Variants in MUSK observed in about 807,000 individuals in gnomAD.
MUSK encodes muscle, skeletal receptor tyrosine-protein kinase.
A neutral mutation model predicts 88.7 loss-of-function variants in MUSK; 55 were observed. The ratio of observed to expected loss-of-function variants is 0.62; its 90% CI spans 0.50 to 0.78. MUSK has a LOEUF of 0.78. Ranked by LOEUF, MUSK falls within the 30% of genes least tolerant of loss-of-function variation. MUSK has a pLI of 0.00. For synonymous variants in MUSK, 387 were observed against 391.9 expected (o/e 0.99, Z 0.15); for missense variants, 1,015 against 1,074.3 (o/e 0.94, Z 0.77).
At position 110,802,852 on chromosome 9, in the gene MUSK, T is replaced by G. The variant is rs1366320229; in HGVS notation, c.*1864T>G. ...GTTCATAAATAGCGAGGTCAGCATTTAGGACTGAGACCTAAAGAAGTGCTT... is the reference window on the plus strand; with the variant it reads ...GTTCATAAATAGCGAGGTCAGCATTGAGGACTGAGACCTAAAGAAGTGCTT... On this transcript the variant is annotated 3_prime_UTR_variant, in exon 15 of 15. Coordinates refer to ENST00000374448, the MANE Select transcript of MUSK (RefSeq NM_005592.4). Among the ~76,000 whole-genome samples the G allele has an allele frequency of 1.3e-5, 2 of 152,188 alleles. No homozygotes were observed. Among genetic ancestry groups the G allele is most frequent in the Non-Finnish European group, 2.9e-5 (2 of 68,026 alleles).
chr9:110,685,056 G>A (rs2076178629), intron 2 of MUSK, among the ~76,000 whole-genome samples: 1 of 152,056 alleles, frequency 6.6e-6, no homozygotes, highest in African/African-American at 2.4e-5. Context: ...CTAGAGGAAA[G>A]GCTTTCAGTT....
At chr9:110,742,662 T>C (rs2131862237) in intron 6 of MUSK, among the ~76,000 whole-genome samples, 1 of 152,318 alleles carries the variant, frequency 6.6e-6, no homozygotes, top group East Asian at 1.9e-4. Context: ...TTTAAGATAG[T>C]TGAGGCCTTA....
intron 5 of MUSK, among the ~76,000 whole-genome samples, chr9:110,701,705 T>C (rs986572108): frequency 0.05 from 1 of 20 alleles, no homozygotes; most frequent in Admixed American, 0.5. Flanking sequence ...TTTTATTTTA[T>C]TTTATTTTAT....
intron 13 of MUSK, among the ~76,000 whole-genome samples, chr9:110,786,926 T>C (rs991107597): frequency 2.0e-5 from 3 of 152,096 alleles, no homozygotes; most frequent in African/African-American, 7.2e-5. Flanking sequence ...GGCGTAGAGG[T>C]TACATGAATA....
intron 1 of MUSK, among the ~76,000 whole-genome samples, chr9:110,671,985 T>C (rs2075963360): frequency 6.6e-6 from 1 of 152,214 alleles, no homozygotes; most frequent in Non-Finnish European, 1.5e-5. Flanking sequence ...TTTTAAATTG[T>C]ATGTATATAA....
chr9:110,680,296 C>G (rs1298424950), intron 1 of MUSK, among the ~76,000 whole-genome samples: 3 of 151,848 alleles, frequency 2.0e-5, no homozygotes, highest in Admixed American at 6.6e-5. Context: ...TAAACTTTTT[C>G]TTTCTGGTAG....
chr9:110,800,883 G>A lies in MUSK; in HGVS notation c.2505G>A (p.Met835Ile). The part of the protein sequence containing the change: ...ENCPVELYNL[M>I]RLCWSKLPAD... ...GCCCCGTGGAGCTGTACAATCTCAT[G>A]CGTCTATGTTGGAGCAAGCTGCCTG... Residue 835 changes from methionine (M) to isoleucine (I), a missense_variant, in exon 15 of 15, where the codon ATG (methionine) becomes ATA (isoleucine). Coordinates refer to ENST00000374448, the MANE Select transcript of MUSK (RefSeq NM_005592.4). The A allele has an allele frequency of 1.3e-6, 2 of 1,578,664 alleles. No individual in the cohort carries two copies. Among genetic ancestry groups the A allele is most frequent in the Non-Finnish European group, 1.7e-6 (2 of 1,161,372 alleles).
chr9:110,747,959 T>G, intron 7 of MUSK, 159 bp downstream of exon 7: 1 of 1,026,230 alleles, frequency 9.7e-7, no homozygotes, highest in Non-Finnish European at 1.5e-6. Flanking sequence ...GGAGGTGACC[T>G]AGATATGGAT....
At chr9:110,746,253 T>C (rs960841116) in intron 6 of MUSK, among the ~76,000 whole-genome samples, 1 of 152,152 alleles carries the variant, frequency 6.6e-6, no homozygotes, top group Admixed American at 6.5e-5. Context: ...AATTAAAGAT[T>C]AGTTATTGAA....
chr9:110,706,013 G>C (rs1397736534), intron 5 of MUSK: 1 of 456,286 alleles, frequency 2.2e-6, no homozygotes, highest in Non-Finnish European at 4.5e-6. Context: ...AATCACAATT[G>C]AATAAATTTT....
intron 1 of MUSK, among the ~76,000 whole-genome samples, chr9:110,674,587 AGAT>A (rs144338094): frequency 4.0e-5 from 6 of 151,742 alleles, no homozygotes; most frequent in African/African-American, 7.3e-5. Flanking sequence ...AGATTCCCAG[AGAT>A]GATGATGATG....
In MUSK at chr9:110,776,669, TTTGTGCCC is replaced by T; in HGVS notation, c.1384+18_1384+25del. On this transcript the variant is annotated intron_variant, in intron 11 of 14. Coordinates refer to ENST00000374448, the MANE Select transcript of MUSK (RefSeq NM_005592.4). ...AAAACCTAAAAAGTAAGTAATTGTG[TTTGTGCCC>T]TTGAAACCTTATGTGTATGTAATTG... The T allele has an allele frequency of 6.3e-7, 1 of 1,585,794 alleles. No homozygotes were observed. Among genetic ancestry groups the T allele is most frequent in the Non-Finnish European group, 8.6e-7 (1 of 1,159,858 alleles).
chr9:110,695,369 G>A (rs763442603), intron 3 of MUSK, 34 bp from the exon 4 acceptor site: 1 of 1,394,634 alleles, frequency 7.2e-7, no homozygotes, highest in South Asian at 1.4e-5. Context: ...AAGCCATATT[G>A]CCTTATTTAT....
At chr9:110,754,449 G>T (rs1157468317) in intron 7 of MUSK, among the ~76,000 whole-genome samples, 1 of 152,158 alleles carries the variant, frequency 6.6e-6, no homozygotes, top group Admixed American at 6.6e-5. Context: ...ATAGTTGCAA[G>T]GTTCTTGGAC....
At chr9:110,673,335 T>C (rs1564204110) in intron 1 of MUSK, among the ~76,000 whole-genome samples, 1 of 152,340 alleles carries the variant, frequency 6.6e-6, no homozygotes, top group East Asian at 1.9e-4. Flanking sequence ...TTTTGTGATA[T>C]GTAGACAAGT....
chr9:110,760,959 A>G (rs186786511), intron 7 of MUSK, among the ~76,000 whole-genome samples: 1 of 152,332 alleles, frequency 6.6e-6, no homozygotes, highest in East Asian at 1.9e-4. Context: ...AAAACCTTCA[A>G]AACGGAGTTA....
chr9:110,669,284 T>C lies in MUSK; in HGVS notation c.79+301T>C, dbSNP rs367583079. Among the ~76,000 whole-genome samples the C allele has an allele frequency of 2.2e-3, 332 of 152,312 alleles. 5 individuals carry two copies. The highest frequency in any genetic ancestry group is 7.4e-3 in the African/African-American group (308 of 41,568). ...GCAAGTTATCAAGGTCTATTTTGTT[T>C]ATGCGAATGTCAAATTTCAGGGTGG... On this transcript the variant is annotated intron_variant, in intron 1 of 14. Transcript: ENST00000374448.
chr9:110,788,710 A>AC (rs932778626), intron 14 of MUSK, among the ~76,000 whole-genome samples: 3 of 151,784 alleles, frequency 2.0e-5, no homozygotes, highest in African/African-American at 7.3e-5. Context: ...TAATAAAAAA[A>AC]AAACAAAAAT....
At chr9:110,785,399 T>C (rs1260947884) in intron 12 of MUSK, 128 bp from the exon 13 acceptor site, 49 of 814,706 alleles carry the variant, frequency 6.0e-5, no homozygotes, top group Non-Finnish European at 8.2e-5. Context: ...AAACGAAGGA[T>C]CTTTGGCTGC....
Sources: allele counts gnomAD v4.1 joint callset (sites outside exome capture counted in the v4.1 genomes callset), GRCh38; gene constraint gnomAD v4.1.1; transcripts MANE v1.5; gene names NCBI Gene and HGNC (gene_info 2026-07-23, HGNC 2026-07-21).